The following BCL2 variants were observed in gnomAD, a reference collection of about 807,000 sequenced individuals.
BCL2 encodes the protein apoptosis regulator Bcl-2.
A neutral mutation model predicts 14.2 loss-of-function variants in BCL2; 1 was observed. The observed-to-expected ratio is 0.07, with a 90% CI of 0.02 to 0.33. The LOEUF (loss-of-function observed/expected upper bound fraction) is 0.33. BCL2 is among the 10% of genes least tolerant of loss of function. The probability of loss-of-function intolerance (pLI) is 0.99; values close to 1 mark genes in which losing one functional copy is unlikely to be tolerated. For synonymous variants in BCL2, 151 were observed against 137.2 expected (o/e 1.10, Z -0.70); for missense variants, 247 against 305.9 (o/e 0.81, Z 1.44).
chr18:63,147,454 A>G (rs1914541571), intron 2 of BCL2, among the ~76,000 whole-genome samples: 1 of 152,170 alleles, frequency 6.6e-6, no homozygotes, highest in Admixed American at 6.5e-5. Context: ...TACCGGTGCA[A>G]ATAGAGGCTT....
chr18:63,174,608 T>A (rs1915305609), intron 2 of BCL2, among the ~76,000 whole-genome samples: 1 of 151,962 alleles, frequency 6.6e-6, no homozygotes, highest in Non-Finnish European at 1.5e-5. Flanking sequence ...TCACCTGAGG[T>A]CAGGAGTTCG....
At chr18:63,139,202 C>T (rs1297650962) in intron 2 of BCL2, among the ~76,000 whole-genome samples, 1 of 152,208 alleles carries the variant, frequency 6.6e-6, no homozygotes, top group Non-Finnish European at 1.5e-5. Flanking sequence ...GCTCATGTCC[C>T]TCCTGCAAGA....
chr18:63,189,212 GA>G, intron 2 of BCL2, among the ~76,000 whole-genome samples: 1 of 146,746 alleles, frequency 6.8e-6, no homozygotes, highest in South Asian at 2.2e-4. Context: ...AAAAGAAAAA[GA>G]AAAACAACCT....
At chr18:63,135,919 C>T (rs1914196765) in intron 2 of BCL2, among the ~76,000 whole-genome samples, 1 of 152,168 alleles carries the variant, frequency 6.6e-6, no homozygotes, top group African/African-American at 2.4e-5. Flanking sequence ...AAACCACCCC[C>T]ACAGAGACCA....
intron 2 of BCL2, among the ~76,000 whole-genome samples, chr18:63,193,601 T>C (rs1909352494): frequency 6.6e-6 from 1 of 150,588 alleles, no homozygotes; most frequent in Non-Finnish European, 1.5e-5. Flanking sequence ...TGTGTGTGTG[T>C]GTGTGTGTGT....
At chr18:63,190,706 T>A (rs903136023) in intron 2 of BCL2, among the ~76,000 whole-genome samples, 1 of 152,208 alleles carries the variant, frequency 6.6e-6, no homozygotes, top group East Asian at 1.9e-4. Flanking sequence ...TTTTTTAAAA[T>A]TTTACTTTAA....
intron 2 of BCL2, among the ~76,000 whole-genome samples, chr18:63,158,274 G>GTGTATTAA (rs1914835035): frequency 6.6e-6 from 1 of 152,192 alleles, no homozygotes; most frequent in Non-Finnish European, 1.5e-5. Context: ...GTTCCTTGAG[G>GTGTATTAA]CGTATTAATG....
At chr18:63,281,733 A>AAAGG (rs1912325724) in intron 2 of BCL2, among the ~76,000 whole-genome samples, 1 of 138,530 alleles carries the variant, frequency 7.2e-6, no homozygotes, top group Non-Finnish European at 1.6e-5. Context: ...AGAAAGAAAG[A>AAAGG]AAGAAAAAGA....
intron 2 of BCL2, among the ~76,000 whole-genome samples, chr18:63,248,815 G>A (rs1406940999): frequency 6.6e-6 from 1 of 152,234 alleles, no homozygotes; most frequent in Non-Finnish European, 1.5e-5. Flanking sequence ...ATCCATTTCC[G>A]CCCTCCACAG....
At chr18:63,198,790 CAGACACACACTGACACAGAGACACACAG>C (rs1909563648) in intron 2 of BCL2, among the ~76,000 whole-genome samples, 1 of 140,178 alleles carries the variant, frequency 7.1e-6, no homozygotes, top group Non-Finnish European at 1.5e-5. Flanking sequence ...CACAGAGACA[CAGACACACACTGACACAGAGACACACAG>C]ACACACAGAC....
intron 2 of BCL2, among the ~76,000 whole-genome samples, chr18:63,236,912 G>C (rs551564080): frequency 7.9e-5 from 12 of 152,318 alleles, no homozygotes; most frequent in African/African-American, 2.2e-4. Context: ...CGAGGCCAGT[G>C]AAATTCTAGA....
At chr18:63,142,351 T>C (rs1486586760) in intron 2 of BCL2, among the ~76,000 whole-genome samples, 1 of 152,218 alleles carries the variant, frequency 6.6e-6, no homozygotes, top group Non-Finnish European at 1.5e-5. Flanking sequence ...GGTTAAGAAA[T>C]CAGCCTGGGC....
rs185332248 is a variant in BCL2 at position 63,155,856 on chromosome 18, T to G, written c.586-27097A>C. 2.9e-3 allele frequency among the ~76,000 whole-genome samples: 434 copies of G among 152,242 alleles called. 2 individuals are homozygous for G. Among genetic ancestry groups the G allele is most frequent in the African/African-American group, 9.8e-3 (408 of 41,550 alleles). ...GTGCTTGTCGCACCCTCTCCCTTCCTGGGGCCCTCACTCATGTTCTCCTTG... is the reference window on the plus strand; with the variant it reads ...GTGCTTGTCGCACCCTCTCCCTTCCGGGGGCCCTCACTCATGTTCTCCTTG... On this transcript the variant is annotated intron_variant, in intron 2 of 2. Transcript: ENST00000333681.
At chr18:63,206,004 C>G (rs1909825926) in intron 2 of BCL2, among the ~76,000 whole-genome samples, 1 of 152,224 alleles carries the variant, frequency 6.6e-6, no homozygotes. Context: ...ATCTTCACTT[C>G]CTTTGAACTT....
At chr18:63,134,216 T>C (rs749954337) in intron 2 of BCL2, among the ~76,000 whole-genome samples, 8 of 152,206 alleles carry the variant, frequency 5.3e-5, no homozygotes, top group Non-Finnish European at 1.0e-4. Flanking sequence ...TCTAATTCAA[T>C]ACAAACATGT....
intron 2 of BCL2, among the ~76,000 whole-genome samples, chr18:63,236,257 C>G (rs960197901): frequency 2.6e-5 from 4 of 152,176 alleles, no homozygotes; most frequent in African/African-American, 9.7e-5. Flanking sequence ...TACAAATTAC[C>G]CAGTCTCGGG....
intron 2 of BCL2, among the ~76,000 whole-genome samples, chr18:63,147,931 A>G (rs987074490): frequency 2.6e-5 from 4 of 152,032 alleles, no homozygotes; most frequent in African/African-American, 9.7e-5. Flanking sequence ...CTCCTAGAAT[A>G]CCCTCTTGAA....
rs953874274 is a variant in BCL2, at chr18:63,240,469, A to C, written c.585+77613T>G. On this transcript the variant is annotated intron_variant, in intron 2 of 2. Coordinates refer to ENST00000333681, the MANE Select transcript of BCL2 (RefSeq NM_000633.3). ...CTTCAAATGTTCAAAAATTTTCTAT[A>C]AATATGATCATCCCCATAGTTACAG... 1.4e-4 allele frequency among the ~76,000 whole-genome samples: 21 copies of C among 152,374 alleles called. 1 individual carries two copies. The highest frequency in any genetic ancestry group is 1.1e-3 in the Admixed American group (17 of 15,310).
chr18:63,163,847 C>G (rs1216447273), intron 2 of BCL2, among the ~76,000 whole-genome samples: 1 of 152,210 alleles, frequency 6.6e-6, no homozygotes, highest in African/African-American at 2.4e-5. Flanking sequence ...AGTGGCTAAG[C>G]TAGACTCAAA....
Sources: allele counts gnomAD v4.1 joint callset (sites outside exome capture counted in the v4.1 genomes callset), GRCh38; gene constraint gnomAD v4.1.1; transcripts MANE v1.5; gene names NCBI Gene and HGNC (gene_info 2026-07-23, HGNC 2026-07-21).